Variants in MRTO4 observed in about 807,000 individuals in gnomAD.
MRTO4 encodes the protein mRNA turnover protein 4 homolog.
Under a neutral mutation model 28.6 loss-of-function variants are expected in MRTO4, and 7 were observed. The observed-to-expected ratio is 0.24, with a 90% CI of 0.14 to 0.46. The LOEUF is 0.46. Among genes scored for constraint, MRTO4 ranks in the 20% least tolerant of loss-of-function variants. MRTO4 has a pLI of 0.99. For missense variants in MRTO4, 302 were observed against 298.3 expected, an observed-to-expected ratio of 1.01 and a Z score of -0.09; for synonymous variants, 113 against 108.2, an observed-to-expected ratio of 1.04 and a Z score of -0.27.
intron 1 of MRTO4, 161 bp downstream of exon 1, chr1:19,252,024 G>A: frequency 9.3e-7 from 1 of 1,070,348 alleles, no homozygotes; most frequent in Non-Finnish European, 1.3e-6. Context: ...CTTCGGGGCT[G>A]TAAAACCGCC....
At position 19,256,044 on chromosome 1, in the gene MRTO4, C is replaced by T. The variant is rs375388657; in HGVS notation, c.184C>T (p.His62Tyr). 6.2e-7 allele frequency: 1 copy of T among 1,614,064 alleles called. No homozygotes were observed. Among genetic ancestry groups the T allele is most frequent in the Non-Finnish European group, 8.5e-7 (1 of 1,179,982 alleles). Residue 62 changes from histidine to tyrosine, a missense_variant, in exon 3 of 8, where the codon CAC becomes TAC. By Grantham distance (83) the His-to-Tyr change is moderately conservative. Transcript: ENST00000330263. ...GAAGGACATCCGGAACGCCTGGAAG[C>T]ACAGCCGGTGAGCGGGCAGGGGGAG... ...KLKDIRNAWK[H>Y]SRMFFGKNKV...
At chr1:19,252,620 A>C (rs2093663866) in intron 1 of MRTO4, among the ~76,000 whole-genome samples, 2 of 152,130 alleles carry the variant, frequency 1.3e-5, no homozygotes, top group South Asian at 4.2e-4. Flanking sequence ...AATCGCTTGA[A>C]TCCGGGAGGC....
chr1:19,258,083 C>T (rs2093674340), intron 6 of MRTO4, 99 bp downstream of exon 6: 1 of 1,430,788 alleles, frequency 7.0e-7, no homozygotes, highest in Non-Finnish European at 9.3e-7. Flanking sequence ...TTTCTACAAG[C>T]TTCCATTTTC....
chr1:19,255,403 T>TAA (rs5772837), intron 2 of MRTO4, among the ~76,000 whole-genome samples: 2 of 146,558 alleles, frequency 1.4e-5, no homozygotes, highest in South Asian at 2.2e-4. Flanking sequence ...ACCCTGTCTT[T>TAA]AAAAAAAAAA....
chr1:19,258,889 CT>C lies in MRTO4; in HGVS notation c.*60del. The C allele has an allele frequency of 1.3e-6, 2 of 1,565,216 alleles. No homozygotes were observed. Among genetic ancestry groups the C allele is most frequent in the South Asian group, 2.3e-5 (2 of 85,298 alleles). ...TCTGGGTCTCACTGGACCATCAGGA[CT>C]GCTGCCGCCCCTCTGGAGAGAGCAG... On this transcript the variant is annotated 3_prime_UTR_variant, in exon 8 of 8. Coordinates refer to ENST00000330263, the MANE Select transcript of MRTO4 (RefSeq NM_016183.4).
In MRTO4 at chr1:19,258,803, A is replaced by G. The variant is rs1377309501; in HGVS notation, c.693A>G (p.Glu231=). The change falls in exon 8 of 8, where the codon GAA becomes GAG. Residue 231 remains glutamate, a synonymous_variant. Transcript: ENST00000330263. ...CAGAGAGCGCATCTGAGTCCACAGA[A>G]GAGTCAGACTCAGAAGATGATGACT... ...DLPESASEST[E]ESDSEDDD is the part of the protein sequence containing the mutation. 2 of 1,614,074 alleles carry G rather than the reference A, an allele frequency of 1.2e-6. No homozygotes were observed. The highest frequency in any genetic ancestry group is 1.3e-5 in the African/African-American group (1 of 74,934).
At chr1:19,253,573 G>A (rs1306264204) in intron 1 of MRTO4, among the ~76,000 whole-genome samples, 2 of 152,230 alleles carry the variant, frequency 1.3e-5, no homozygotes, top group Non-Finnish European at 2.9e-5. Context: ...GGGCAGGAAT[G>A]GAAGCAGTGA....
Position 19,256,176 on chromosome 1 carries a change from G to T in MRTO4, c.191+125G>T, listed in dbSNP as rs2093671215. On this transcript the variant is annotated intron_variant, in intron 3 of 7. Transcript: ENST00000330263. ...GTCATGCCGCTGACACCTTAATAAG[G>T]ACAAAGTGCTACCTGCCACTGAAGA... 3 of 754,640 alleles carry T rather than the reference G, an allele frequency of 4.0e-6. No homozygotes were observed. The Admixed American group carries it at 6.7e-5, about 17-fold the overall frequency. The allele number at this position is 754,640 out of a possible 1,614,324, so 46.7% of individuals were successfully genotyped here.
In MRTO4 at chr1:19,251,870, G is replaced by A; in HGVS notation, c.28+7G>A. On this transcript the variant is annotated splice_region_variant and intron_variant, in intron 1 of 7. Transcript: ENST00000330263. ...TCCAAGCGCGACAAGAAAGGTGGGC[G>A]AAGGGGGAGTCGGGACCCTGGGGGG... 1 of 1,591,754 alleles carries A rather than the reference G, an allele frequency of 6.3e-7. No homozygotes were observed. The highest frequency in any genetic ancestry group is 8.5e-7 in the Non-Finnish European group (1 of 1,169,828).
chr1:19,252,053 G>A (rs957126709), intron 1 of MRTO4, 190 bp downstream of exon 1: 3 of 828,900 alleles, frequency 3.6e-6, no homozygotes, highest in African/African-American at 3.5e-5. Flanking sequence ...CTGACGCCCG[G>A]TCGGGTCTGG....
At chr1:19,257,543 A>C in intron 5 of MRTO4, 22 bp downstream of exon 5, 2 of 1,613,488 alleles carry the variant, frequency 1.2e-6, no homozygotes, top group African/African-American at 1.3e-5. Flanking sequence ...TGAGGAACGG[A>C]GGGAAAGAGG....
chr1:19,252,169 C>T (rs1039577334), intron 1 of MRTO4: 2 of 437,392 alleles, frequency 4.6e-6, no homozygotes, highest in South Asian at 3.6e-5. Flanking sequence ...GCCGTTTCGG[C>T]CCACTTTTCC....
In MRTO4 at chr1:19,258,790, C is replaced by A. The variant is rs768810763; in HGVS notation, c.680C>A (p.Ser227Tyr). Residue 227 changes from serine to tyrosine, a missense_variant, in exon 8 of 8, where the codon TCT becomes TAT. Transcript: ENST00000330263. The part of the protein sequence containing the change: ...QMGDDLPESA[S>Y]ESTEESDSED... ...GGAGACGACTTGCCAGAGAGCGCAT[C>A]TGAGTCCACAGAAGAGTCAGACTCA... 6.2e-7 allele frequency: 1 copy of A among 1,614,194 alleles called. No homozygotes were observed. The highest frequency in any genetic ancestry group is 1.1e-5 in the South Asian group (1 of 91,088).
At chr1:19,257,715 G>C in intron 5 of MRTO4, 118 bp from the exon 6 acceptor site, 2 of 1,445,660 alleles carry the variant, frequency 1.4e-6, no homozygotes, top group Admixed American at 3.7e-5. Flanking sequence ...CTGCTGGCCA[G>C]CAGCCAAGGT....
Position 19,258,499 on chromosome 1 carries a change from C to T in MRTO4, c.516C>T (p.Asp172=). The T allele has an allele frequency of 3.1e-6, 5 of 1,614,080 alleles. No individual in the cohort carries two copies. Among genetic ancestry groups the T allele is most frequent in the Non-Finnish European group, 4.2e-6 (5 of 1,180,042 alleles). ...LKRGVVTLLS[D]YEVCKEGDVL... is the part of the protein sequence containing the mutation. ...CAGGTGTGGTGACTCTGCTGTCTGA[C>T]TACGAGGTGTGCAAGGAGGGCGATG... is the stretch of plus-strand genomic sequence containing the variant. The change falls in exon 7 of 8, where the codon GAC becomes GAT. Residue 172 remains aspartate (D), a synonymous_variant. Transcript: ENST00000330263.
At position 19,258,716 on chromosome 1, in the gene MRTO4, G is replaced by A; in HGVS notation, c.606G>A (p.Val202=). ...GGTATGAGATGGCTGAATTCAAGGT[G>A]ACCATCAAATACATGTGGGATTCAC... ...LFGYEMAEFK[V]TIKYMWDSQS... is the part of the protein sequence containing the mutation. Residue 202 remains valine (V), a synonymous_variant, in exon 8 of 8, where the codon GTG becomes GTA. Coordinates refer to ENST00000330263, the MANE Select transcript of MRTO4 (RefSeq NM_016183.4). The A allele has an allele frequency of 1.9e-6, 3 of 1,614,210 alleles. No homozygotes were observed. Among genetic ancestry groups the A allele is most frequent in the Non-Finnish European group, 2.5e-6 (3 of 1,180,036 alleles).
At chr1:19,256,763 C>T (rs764181740) in intron 3 of MRTO4, among the ~76,000 whole-genome samples, 6 of 152,168 alleles carry the variant, frequency 3.9e-5, no homozygotes, top group African/African-American at 7.2e-5. Context: ...GGTCTCTTGC[C>T]GCACCAGCTC....
At chr1:19,255,449 T>C (rs965446236) in intron 2 of MRTO4, among the ~76,000 whole-genome samples, 3 of 149,524 alleles carry the variant, frequency 2.0e-5, no homozygotes, top group Admixed American at 6.7e-5. Context: ...TGTAGGTGAC[T>C]GCACCAACCC....
At chr1:19,254,713 A>G in intron 1 of MRTO4, 69 bp from the exon 2 acceptor site, 1 of 1,284,964 alleles carries the variant, frequency 7.8e-7, no homozygotes. Context: ...GCCAAAGGGG[A>G]GAAGAAAATA....
Sources: allele counts gnomAD v4.1 joint callset (sites outside exome capture counted in the v4.1 genomes callset), GRCh38; gene constraint gnomAD v4.1.1; transcripts MANE v1.5; gene names NCBI Gene and HGNC (gene_info 2026-07-23, HGNC 2026-07-21).